Variants in MIAT observed in about 807,000 individuals in gnomAD.
MIAT encodes myocardial infarction associated transcript, also known as MI related novel mRNA.
At chr22:26,652,393 G>A (rs1930351415) in intron 2 of MIAT, among the ~76,000 whole-genome samples, 3 of 151,674 alleles carry the variant, frequency 2.0e-5, no homozygotes. Flanking sequence ...GTCTCACTCT[G>A]TCACCCAGGC....
chr22:26,669,938 T>A (rs947432079), downstream of MIAT: 19 of 398,598 alleles, frequency 4.8e-5, no homozygotes, highest in Admixed American at 8.8e-5. Flanking sequence ...GGAATGTGCT[T>A]GCCTGTCAGG....
At chr22:26,661,334 A>C (rs1478787587) in intron 2 of MIAT, among the ~76,000 whole-genome samples, 1 of 152,082 alleles carries the variant, frequency 6.6e-6, no homozygotes, top group Non-Finnish European at 1.5e-5. Context: ...CTGTCTCCCT[A>C]TCCCATCCCA....
chr22:26,651,557 C>G (rs529068020), intron 2 of MIAT, among the ~76,000 whole-genome samples: 1 of 152,120 alleles, frequency 6.6e-6, no homozygotes, highest in Non-Finnish European at 1.5e-5. Context: ...CCCAAAAGAA[C>G]GGAAAAGAAG....
downstream of MIAT, chr22:26,670,659 G>T (rs1931013804): frequency 2.6e-6 from 1 of 384,196 alleles, no homozygotes. Flanking sequence ...CTGCACTACT[G>T]AAGTAGTGCA....
intron 2 of MIAT, among the ~76,000 whole-genome samples, chr22:26,650,929 G>A (rs187857421): frequency 1.1e-4 from 16 of 152,136 alleles, no homozygotes; most frequent in Non-Finnish European, 2.1e-4. Flanking sequence ...TCTAAGCCTC[G>A]CTTTCCTTAC....
chr22:26,650,683 T>C (rs1930321511), intron 2 of MIAT, among the ~76,000 whole-genome samples: 2 of 152,214 alleles, frequency 1.3e-5, no homozygotes, highest in African/African-American at 4.8e-5. Context: ...GCATTGATCC[T>C]GAGCCCATGC....
chr22:26,667,572 C>T, intron 5 of MIAT: 2 of 323,844 alleles, frequency 6.2e-6, no homozygotes, highest in East Asian at 9.7e-5. Context: ...CCATGATGCT[C>T]CTGGAGCTTG....
intron 2 of MIAT, among the ~76,000 whole-genome samples, chr22:26,656,596 G>A (rs1477432554): frequency 2.0e-5 from 3 of 152,202 alleles, no homozygotes; most frequent in Non-Finnish European, 4.4e-5. Context: ...GGGATTACAG[G>A]GGTGAGCCGC....
At chr22:26,646,588 T>C (rs67228032) in exon 1 of MIAT, 17,356 of 398,416 alleles carry the variant, frequency 0.044, 675 homozygotes, top group Admixed American at 0.14. Flanking sequence ...GACTGAAATT[T>C]GGCTCAGATC....
At chr22:26,653,336 G>A (rs896710057) in intron 2 of MIAT, among the ~76,000 whole-genome samples, 2 of 152,128 alleles carry the variant, frequency 1.3e-5, no homozygotes, top group East Asian at 1.9e-4. Flanking sequence ...GGCTTGTCCC[G>A]AGTCCATCTG....
exon 1 of MIAT, chr22:26,646,791 G>A (rs961917870): frequency 1.0e-5 from 4 of 398,536 alleles, no homozygotes; most frequent in Non-Finnish European, 1.8e-5. Flanking sequence ...CAAGAGCTTT[G>A]TGTTGTTTGT....
chr22:26,666,126 C>G (rs1235771439), exon 4 of MIAT: 1 of 398,544 alleles, frequency 2.5e-6, no homozygotes, highest in Non-Finnish European at 4.4e-6. Flanking sequence ...CTCCCGGGTG[C>G]TGACAGCAAG....
At chr22:26,658,051 G>C (rs1312240428) in intron 2 of MIAT, 2 of 29,842 alleles carry the variant, frequency 6.7e-5, no homozygotes, top group African/African-American at 1.3e-4. Context: ...GCCAAGCCAC[G>C]GGCAGAGCCA....
At chr22:26,652,196 G>A (rs560139006) in intron 2 of MIAT, among the ~76,000 whole-genome samples, 27 of 151,934 alleles carry the variant, frequency 1.8e-4, no homozygotes, top group Non-Finnish European at 1.9e-4. Flanking sequence ...CGGTGGAGCC[G>A]GGGGTCGATC....
chr22:26,672,346 G>C (rs1931080164), downstream of MIAT: 2 of 399,222 alleles, frequency 5.0e-6, no homozygotes, highest in Non-Finnish European at 8.8e-6. Flanking sequence ...CATATTGGCT[G>C]TAAGATCAGA....
At chr22:26,668,724 G>T in exon 6 of MIAT, 1 of 399,296 alleles carries the variant, frequency 2.5e-6, no homozygotes, top group Non-Finnish European at 4.4e-6. Flanking sequence ...TGCTCAGTGC[G>T]TAATTGTCAT....
At chr22:26,666,882 G>A (rs1930865836) in exon 4 of MIAT, 2 of 399,788 alleles carry the variant, frequency 5.0e-6, no homozygotes, top group Non-Finnish European at 8.8e-6. Context: ...GGGTCTGTGT[G>A]GGGAAGGAAG....
At chr22:26,650,057 C>T (rs1179610029) in intron 2 of MIAT, among the ~76,000 whole-genome samples, 6 of 152,204 alleles carry the variant, frequency 3.9e-5, no homozygotes, top group Non-Finnish European at 8.8e-5. Flanking sequence ...GTAAATTGTG[C>T]TCTCTCCACT....
chr22:26,663,167 T>C (rs1602363134), intron 2 of MIAT: 3 of 391,976 alleles, frequency 7.7e-6, no homozygotes, highest in Non-Finnish European at 1.3e-5. Context: ...AATACCTCCT[T>C]GTTTCCTGTT....
Sources: allele counts gnomAD v4.1 joint callset (sites outside exome capture counted in the v4.1 genomes callset), GRCh38; gene constraint gnomAD v4.1.1; transcripts MANE v1.5; gene names NCBI Gene and HGNC (gene_info 2026-07-23, HGNC 2026-07-21).